PDSS2: variants seen among roughly 807,000 people sequenced by gnomAD.
The protein encoded by PDSS2 is decaprenyl diphosphate synthase subunit 2.
In PDSS2, 31 loss-of-function variants were observed where a neutral mutation model predicts 44.5. That is an observed-to-expected ratio of 0.70 (90% CI 0.52 to 0.94). The LOEUF is 0.94. PDSS2 is among the 40% of genes least tolerant of loss of function. PDSS2 has a pLI of 0.00. For synonymous variants in PDSS2, 157 were observed against 180.3 expected (o/e 0.87, Z 1.03); for missense variants, 452 against 482.2 (o/e 0.94, Z 0.59).
At chr6:107,204,103 C>T (rs981324700) in intron 6 of PDSS2, among the ~76,000 whole-genome samples, 23 of 152,016 alleles carry the variant, frequency 1.5e-4, no homozygotes, top group African/African-American at 5.1e-4. Context: ...TTACCACACC[C>T]GGCAAATTTC....
chr6:107,300,686 T>G (rs1311338254), intron 2 of PDSS2, among the ~76,000 whole-genome samples: 1 of 152,174 alleles, frequency 6.6e-6, no homozygotes, highest in Non-Finnish European at 1.5e-5. Flanking sequence ...GTAACCCCCT[T>G]TGGGTCACTT....
intron 1 of PDSS2, among the ~76,000 whole-genome samples, chr6:107,415,750 G>C (rs1780637821): frequency 6.6e-6 from 1 of 152,164 alleles, no homozygotes; most frequent in South Asian, 2.1e-4. Context: ...AAAATGTAAT[G>C]CTTCCGACTT....
intron 2 of PDSS2, among the ~76,000 whole-genome samples, chr6:107,278,682 C>G (rs1582884373): frequency 6.6e-6 from 1 of 152,012 alleles, no homozygotes; most frequent in East Asian, 1.9e-4. Flanking sequence ...CATAAAACAG[C>G]ATTCATTAAA....
chr6:107,214,098 C>A (rs1211779170), intron 4 of PDSS2, among the ~76,000 whole-genome samples: 1 of 145,406 alleles, frequency 6.9e-6, no homozygotes, highest in Admixed American at 6.9e-5. Context: ...TATTAGTGAG[C>A]TATTTTACAC....
At chr6:107,426,025 T>C (rs1405681984) in intron 1 of PDSS2, among the ~76,000 whole-genome samples, 1 of 151,256 alleles carries the variant, frequency 6.6e-6, no homozygotes, top group East Asian at 1.9e-4. Context: ...AATTTGCACA[T>C]GTAACAAGGA....
At chr6:107,420,854 A>G (rs1334620393) in intron 1 of PDSS2, among the ~76,000 whole-genome samples, 1 of 151,968 alleles carries the variant, frequency 6.6e-6, no homozygotes, top group Admixed American at 6.6e-5. Flanking sequence ...ACTGGATGTC[A>G]TCAAAATTTA....
At chr6:107,431,340 C>T (rs1781187837) in intron 1 of PDSS2, among the ~76,000 whole-genome samples, 1 of 152,226 alleles carries the variant, frequency 6.6e-6, no homozygotes. Context: ...ACAGCCTCCA[C>T]TTCCCAGGCT....
intron 7 of PDSS2, among the ~76,000 whole-genome samples, chr6:107,169,210 G>A (rs200829288): frequency 2.6e-5 from 4 of 151,712 alleles, no homozygotes; most frequent in South Asian, 4.2e-4. Context: ...TTCTCTTCTC[G>A]CTTCATTTCA....
intron 2 of PDSS2, among the ~76,000 whole-genome samples, chr6:107,286,136 T>TAAAATAAAATA (rs67225192): frequency 7.8e-6 from 1 of 128,744 alleles, no homozygotes; most frequent in Non-Finnish European, 1.6e-5. Context: ...CGTCGCAAAA[T>TAAAATAAAATA]AAAAAAAAAA....
At chr6:107,192,308 T>C in intron 7 of PDSS2, 1 of 481,496 alleles carries the variant, frequency 2.1e-6, no homozygotes, top group East Asian at 5.9e-5. Context: ...GTCCCAACAC[T>C]CCTCATGGGA....
intron 1 of PDSS2, among the ~76,000 whole-genome samples, chr6:107,340,635 T>C (rs1309261810): frequency 2.0e-5 from 3 of 152,140 alleles, no homozygotes; most frequent in African/African-American, 7.2e-5. Flanking sequence ...CAAAGAAAAG[T>C]TACAAGCAGC....
At position 107,459,217 on chromosome 6, in the gene PDSS2, C is replaced by G; in HGVS notation, c.69G>C (p.Leu23=). 6.2e-7 allele frequency: 1 copy of G among 1,614,130 alleles called. No homozygotes were observed. Among genetic ancestry groups the G allele is most frequent in the Non-Finnish European group, 8.5e-7 (1 of 1,180,014 alleles). Reference sequence around the variant, plus strand: ...TGGTGTCGAGGGACGGGGACCACCACAGGCGACGCGGGGAACCCGAGGCTC... The same window carrying G: ...TGGTGTCGAGGGACGGGGACCACCAGAGGCGACGCGGGGAACCCGAGGCTC... The part of the protein sequence containing the change: ...YLGASGSPRR[L]WWSPSLDTIS... The change falls in exon 1 of 8, where the codon CTG becomes CTC. Residue 23 remains leucine, a synonymous_variant. Coordinates refer to ENST00000369037, the MANE Select transcript of PDSS2 (RefSeq NM_020381.4). This position sits in a 1 kb window ranked among gnomAD's most constrained non-coding sequence, Gnocchi z 4.3.
chr6:107,418,389 C>A (rs1320000666), intron 1 of PDSS2, among the ~76,000 whole-genome samples: 1 of 152,196 alleles, frequency 6.6e-6, no homozygotes, highest in Admixed American at 6.5e-5. Context: ...CCAGAAGGAA[C>A]ACAGCTCTGC....
chr6:107,453,585 C>T (rs2114868777), intron 1 of PDSS2, among the ~76,000 whole-genome samples: 1 of 152,256 alleles, frequency 6.6e-6, no homozygotes, highest in South Asian at 2.1e-4. Flanking sequence ...TGTTCCTCTG[C>T]CAATACCGCA....
intron 3 of PDSS2, among the ~76,000 whole-genome samples, chr6:107,253,201 A>C (rs1357585419): frequency 6.6e-6 from 1 of 151,758 alleles, no homozygotes; most frequent in African/African-American, 2.4e-5. Flanking sequence ...ACGCCTGGCT[A>C]ATTTTTGTAT....
intron 1 of PDSS2, among the ~76,000 whole-genome samples, chr6:107,394,652 C>T (rs1779885298): frequency 6.6e-6 from 1 of 152,188 alleles, no homozygotes; most frequent in Non-Finnish European, 1.5e-5. Flanking sequence ...TGTCACTTAT[C>T]AAGGTCTACC....
At chr6:107,255,215 G>C (rs916233897) in intron 3 of PDSS2, among the ~76,000 whole-genome samples, 2 of 70,796 alleles carry the variant, frequency 2.8e-5, no homozygotes, top group African/African-American at 6.0e-5. Context: ...TTTTTTTTTT[G>C]AGATGGAGTC....
intron 1 of PDSS2, among the ~76,000 whole-genome samples, chr6:107,367,513 GTGGC>G (rs1778994237): frequency 1.3e-5 from 2 of 152,244 alleles, no homozygotes; most frequent in Admixed American, 1.3e-4. Context: ...GCCGGGCACA[GTGGC>G]TCACGCCTGT....
intron 7 of PDSS2, among the ~76,000 whole-genome samples, chr6:107,171,565 G>A (rs1404334627): frequency 2.6e-5 from 4 of 151,834 alleles, no homozygotes; most frequent in African/African-American, 7.3e-5. Flanking sequence ...AGGCTGGAGT[G>A]CAGTGGTATG....
Sources: allele counts gnomAD v4.1 joint callset (sites outside exome capture counted in the v4.1 genomes callset), GRCh38; gene constraint gnomAD v4.1.1; non-coding constraint Gnocchi (gnomAD v3.1); transcripts MANE v1.5; gene names NCBI Gene and HGNC (gene_info 2026-07-23, HGNC 2026-07-21).